NKAIN3: variants seen among roughly 807,000 people sequenced by gnomAD.
NKAIN3 encodes sodium/potassium-transporting ATPase subunit beta-1-interacting protein 3.
NKAIN3 carries 25 observed loss-of-function variants against 30.2 expected under a neutral mutation model. The observed-to-expected ratio is 0.83, with a 90% confidence interval of 0.60 to 1.16. The LOEUF is 1.16. Among genes scored for constraint, NKAIN3 ranks in the 50% most tolerant of loss-of-function variants. The probability of loss-of-function intolerance (pLI) is 0.00; values close to 1 mark genes in which losing one functional copy is unlikely to be tolerated. For synonymous variants in NKAIN3, 91 were observed against 89.6 expected (o/e 1.02, Z -0.09); for missense variants, 225 against 254.1 (o/e 0.89, Z 0.78).
chr8:62,466,037 A>G (rs778183698), intron 1 of NKAIN3, among the ~76,000 whole-genome samples: 2 of 152,114 alleles, frequency 1.3e-5, no homozygotes, highest in Non-Finnish European at 2.9e-5. Context: ...AAGAAAAAAG[A>G]AAGAAAAAAA....
At chr8:62,459,789 A>G (rs115100476) in intron 1 of NKAIN3, among the ~76,000 whole-genome samples, 1 of 152,304 alleles carries the variant, frequency 6.6e-6, no homozygotes, top group African/African-American at 2.4e-5. Flanking sequence ...AGGCCAGGAT[A>G]CTGAAGGGGA....
intron 1 of NKAIN3, among the ~76,000 whole-genome samples, chr8:62,301,694 A>G (rs1242432290): frequency 1.3e-5 from 2 of 152,088 alleles, no homozygotes; most frequent in African/African-American, 2.4e-5. Context: ...TCAAAACAGC[A>G]TTTTGTAGGT....
intron 4 of NKAIN3, among the ~76,000 whole-genome samples, chr8:62,906,273 G>A (rs1336742335): frequency 2.6e-5 from 4 of 152,196 alleles, no homozygotes. Context: ...CTGACATTAA[G>A]TAGCTATGCT....
At chr8:62,288,763 A>T (rs200419695) in intron 1 of NKAIN3, among the ~76,000 whole-genome samples, 2 of 152,118 alleles carry the variant, frequency 1.3e-5, no homozygotes, top group Non-Finnish European at 2.9e-5. Flanking sequence ...GCCCAGTAAT[A>T]GGATGGCTGG....
At chr8:62,645,928 T>C (rs2130313469) in intron 3 of NKAIN3, among the ~76,000 whole-genome samples, 1 of 152,252 alleles carries the variant, frequency 6.6e-6, no homozygotes, top group Admixed American at 6.5e-5. Context: ...TACCCATTCA[T>C]ATGAAATTAT....
chr8:62,480,218 C>A lies in NKAIN3; in HGVS notation c.55-99321C>A, dbSNP rs528367481. 1.1e-4 allele frequency among the ~76,000 whole-genome samples: 17 copies of A among 152,244 alleles called. 1 individual carries two copies. The highest frequency in any genetic ancestry group is 5.9e-4 in the Admixed American group (9 of 15,286). On this transcript the variant is annotated intron_variant, in intron 1 of 6. Coordinates refer to ENST00000623646, the MANE Select transcript of NKAIN3 (RefSeq NM_001304533.3). Reference sequence around the variant, plus strand: ...CTTTCCATTACTATGAATTTGACTTCTTTTAGCTGCCACATACACCTGAGA... The same window carrying A: ...CTTTCCATTACTATGAATTTGACTTATTTTAGCTGCCACATACACCTGAGA...
At chr8:62,289,914 T>G (rs1813527726) in intron 1 of NKAIN3, among the ~76,000 whole-genome samples, 1 of 152,212 alleles carries the variant, frequency 6.6e-6, no homozygotes, top group African/African-American at 2.4e-5. Context: ...TTCTTTTATT[T>G]CGTTGAGCAG....
At chr8:62,685,345 C>T (rs1813765771) in intron 3 of NKAIN3, among the ~76,000 whole-genome samples, 1 of 152,116 alleles carries the variant, frequency 6.6e-6, no homozygotes, top group Non-Finnish European at 1.5e-5. Context: ...AGGGTTCAGT[C>T]CTCATTTTCA....
chr8:62,698,338 T>C lies in NKAIN3; in HGVS notation c.274-48594T>C, dbSNP rs933698370. On this transcript the variant is annotated intron_variant, in intron 3 of 6. Transcript: ENST00000623646. Reference sequence around the variant, plus strand: ...CCCAGTGCTTAGTATGTGTGAAGCATGATAGACTTTGAACTGTCCCACATA... The same window carrying C: ...CCCAGTGCTTAGTATGTGTGAAGCACGATAGACTTTGAACTGTCCCACATA... 7.3e-4 allele frequency among the ~76,000 whole-genome samples: 111 copies of C among 152,192 alleles called. 5 individuals carry two copies. Among genetic ancestry groups the C allele is most frequent in the Non-Finnish European group, 2.9e-5 (2 of 68,024 alleles).
intron 5 of NKAIN3, among the ~76,000 whole-genome samples, chr8:62,935,638 C>A (rs4237065): frequency 0.69 from 105,052 of 152,044 alleles, 37,174 homozygotes; most frequent in African/African-American, 0.85. Flanking sequence ...TAAAAAAGAT[C>A]GATATACATA....
At chr8:62,879,504 C>T (rs1283067209) in intron 4 of NKAIN3, among the ~76,000 whole-genome samples, 1 of 152,138 alleles carries the variant, frequency 6.6e-6, no homozygotes, top group Non-Finnish European at 1.5e-5. Flanking sequence ...TGTGCAGAAG[C>T]TCTTTAGCTG....
At chr8:62,371,498 C>T (rs948388991) in intron 1 of NKAIN3, among the ~76,000 whole-genome samples, 1 of 151,860 alleles carries the variant, frequency 6.6e-6, no homozygotes, top group Non-Finnish European at 1.5e-5. Context: ...CCTTGTTTCA[C>T]TGTCTTTAGC....
intron 4 of NKAIN3, among the ~76,000 whole-genome samples, chr8:62,751,568 T>A (rs564564066): frequency 6.6e-6 from 1 of 152,316 alleles, no homozygotes; most frequent in Non-Finnish European, 1.5e-5. Flanking sequence ...CTTCTTTTTA[T>A]TCTTATGTAT....
chr8:62,276,730 A>C (rs1035311703), intron 1 of NKAIN3, among the ~76,000 whole-genome samples: 3 of 152,208 alleles, frequency 2.0e-5, no homozygotes, highest in African/African-American at 7.2e-5. Flanking sequence ...AAAGGCCAGG[A>C]ATTTGTAATT....
intron 3 of NKAIN3, among the ~76,000 whole-genome samples, chr8:62,692,245 T>G (rs768116646): frequency 3.9e-5 from 6 of 152,216 alleles, no homozygotes; most frequent in Non-Finnish European, 8.8e-5. Context: ...AGGAAGGATC[T>G]TCAAAGTTGT....
chr8:62,909,428 ATGAC>A (rs1821870845), intron 4 of NKAIN3, among the ~76,000 whole-genome samples: 1 of 152,212 alleles, frequency 6.6e-6, no homozygotes, highest in Admixed American at 6.5e-5. Context: ...TTTAAAATGA[ATGAC>A]TCTTTCCAAA....
intron 4 of NKAIN3, among the ~76,000 whole-genome samples, chr8:62,869,680 G>C (rs1387940316): frequency 3.3e-5 from 5 of 152,194 alleles, no homozygotes; most frequent in Middle Eastern, 3.2e-3. Flanking sequence ...ACCCCTTGCG[G>C]GGGGTAGGTG....
intron 1 of NKAIN3, among the ~76,000 whole-genome samples, chr8:62,274,510 A>AT (rs1446441359): frequency 1.3e-5 from 2 of 151,754 alleles, no homozygotes; most frequent in East Asian, 1.9e-4. Context: ...CATTTTCTTG[A>AT]TTTTTTTTCT....
At chr8:62,288,710 A>G (rs1813467154) in intron 1 of NKAIN3, among the ~76,000 whole-genome samples, 1 of 152,190 alleles carries the variant, frequency 6.6e-6, no homozygotes, top group South Asian at 2.1e-4. Context: ...ATACGTGTGC[A>G]TGTGTCTTTA....
Sources: gnomAD v4.1 joint callset for allele counts (sites outside exome capture counted in the v4.1 genomes callset) on GRCh38, gnomAD v4.1.1 for gene constraint, MANE v1.5 for transcripts, NCBI Gene and HGNC (gene_info 2026-07-23, HGNC 2026-07-21) for gene names.